MKRN3: variants seen among roughly 807,000 people sequenced by gnomAD.
MKRN3 encodes the protein makorin ring finger protein 3, also known as E3 ubiquitin-protein ligase makorin-3.
For missense variants in MKRN3, 749 were observed against 667.0 expected (o/e 1.12, Z -1.35); for synonymous variants, 301 against 250.2 (o/e 1.20, Z -1.91).
chr15:23,565,880 C>T lies in MKRN3; in HGVS notation c.98C>T (p.Pro33Leu). ...GAGGGTGTGTCTGGGCCGGACCTTC[C>T]CGTCTGTGAGCCCTCCGGGGAATCT... ...AREGVSGPDLPVCEPSGESAA... is the reference protein window; with the variant it reads ...AREGVSGPDLLVCEPSGESAA... The change falls in exon 1 of 1, where the codon CCC (proline) becomes CTC (leucine). Residue 33 changes from proline (P) to leucine (L), a missense_variant. By Grantham distance (98) the Pro-to-Leu change is moderately conservative. Coordinates refer to ENST00000314520, the MANE Select transcript of MKRN3 (RefSeq NM_005664.4). 2 of 1,613,874 alleles carry T rather than the reference C, an allele frequency of 1.2e-6. No homozygotes were observed. Among genetic ancestry groups the T allele is most frequent in the South Asian group, 1.1e-5 (1 of 91,080 alleles).
chr15:23,566,983 A>G lies in MKRN3; in HGVS notation c.1201A>G (p.Arg401Gly). 6.2e-7 allele frequency: 1 copy of G among 1,614,222 alleles called. No individual in the cohort carries two copies. The highest frequency in any genetic ancestry group is 8.5e-7 in the Non-Finnish European group (1 of 1,180,044). The change falls in exon 1 of 1, where the codon AGG becomes GGG. Residue 401 changes from arginine to glycine, a missense_variant. Physicochemically the swap from Arg to Gly is moderately radical, Grantham distance 125 (BLOSUM62 -2). Transcript: ENST00000314520. ...GGAGGCAATGAGCAACAAGGCCTGC[A>G]GGTATTTTGCGGAAGGCAGGGGTAA... Reference protein sequence around the residue: ...YKEAMSNKACRYFAEGRGNCP... With the variant: ...YKEAMSNKACGYFAEGRGNCP...
rs1289012657 is a variant in MKRN3, at chr15:23,567,617, ACCCT to A, written c.*313_*316del. ...CTGAATTTCCACACTTATTTTGAAG[ACCCT>A]CAAGAGTAAATGTGGCAGAGTGAAA... On this transcript the variant is annotated 3_prime_UTR_variant, in exon 1 of 1. Transcript: ENST00000314520. 8.7e-7 allele frequency: 1 copy of A among 1,150,776 alleles called. No homozygotes were observed. Among genetic ancestry groups the A allele is most frequent in the Non-Finnish European group, 1.1e-6 (1 of 925,382 alleles). 71.3% of individuals were successfully genotyped at this position (1,150,776 alleles called of 1,614,324 possible).
In MKRN3 at chr15:23,566,947, C is replaced by G; in HGVS notation, c.1165C>G (p.Gln389Glu). ...GGAGGAAGAGAAGCAGAAACTTATT[C>G]AGCAATACAAGGAGGCAATGAGCAA... The part of the protein sequence containing the change: ...EEEEEKQKLI[Q>E]QYKEAMSNKA... Residue 389 changes from glutamine to glutamate, a missense_variant, in exon 1 of 1, where the codon CAG (glutamine) becomes GAG (glutamate). By Grantham distance (29) the Gln-to-Glu change is conservative (BLOSUM62 2). Coordinates refer to ENST00000314520, the MANE Select transcript of MKRN3 (RefSeq NM_005664.4). The G allele has an allele frequency of 1.9e-6, 3 of 1,614,196 alleles. No individual in the cohort carries two copies. The highest frequency in any genetic ancestry group is 2.5e-6 in the Non-Finnish European group (3 of 1,180,036).
chr15:23,567,480 A>C lies in MKRN3; in HGVS notation c.*174A>C. ...ATTATGGTGATTATCTGTGTTAAAA[A>C]ATAAGTCCTTAAAGTTACTGTTTTG... On this transcript the variant is annotated 3_prime_UTR_variant, in exon 1 of 1. Coordinates refer to ENST00000314520, the MANE Select transcript of MKRN3 (RefSeq NM_005664.4). The C allele has an allele frequency of 6.9e-7, 1 of 1,439,126 alleles. No individual in the cohort carries two copies. The allele number at this position is 1,439,126 out of a possible 1,614,324, so 89.1% of individuals were successfully genotyped here. A position where few individuals can be genotyped will look rare whatever the true frequency, so the allele number is the denominator to read the frequency against.
In MKRN3 at chr15:23,567,544, G is replaced by C; in HGVS notation, c.*238G>C. ...TAATGTCAGCTTATGGCTTTTTTTTGTCATCTCTGTTGTCAACAGGATTAA... is the reference window on the plus strand; with the variant it reads ...TAATGTCAGCTTATGGCTTTTTTTTCTCATCTCTGTTGTCAACAGGATTAA... On this transcript the variant is annotated 3_prime_UTR_variant, in exon 1 of 1. Coordinates refer to ENST00000314520, the MANE Select transcript of MKRN3 (RefSeq NM_005664.4). 7.4e-7 allele frequency: 1 copy of C among 1,359,330 alleles called. No homozygotes were observed. Among genetic ancestry groups the C allele is most frequent in the South Asian group, 1.8e-5 (1 of 55,842 alleles). The allele number at this position is 1,359,330 out of a possible 1,614,324, so 84.2% of individuals were successfully genotyped here. A position where few individuals can be genotyped will look rare whatever the true frequency, so the allele number is the denominator to read the frequency against.
rs781393079 is a variant in MKRN3 at position 23,566,543 on chromosome 15, G to A, written c.761G>A (p.Arg254His). 1.1e-5 allele frequency: 18 copies of A among 1,614,060 alleles called. No homozygotes were observed. Among genetic ancestry groups the A allele is most frequent in the Admixed American group, 6.7e-5 (4 of 60,008 alleles). ...CYYASRGVCF[R>H]GESCMYLHGD... ...TATGCTTCCAGGGGAGTTTGCTTTC[G>A]TGGGGAGAGCTGTATGTACCTCCAT... Residue 254 changes from arginine to histidine, a missense_variant, in exon 1 of 1, where the codon CGT becomes CAT. Coordinates refer to ENST00000314520, the MANE Select transcript of MKRN3 (RefSeq NM_005664.4).
chr15:23,566,262 C>A lies in MKRN3; in HGVS notation c.480C>A (p.Pro160=), dbSNP rs372340447. 2 of 1,613,962 alleles carry A rather than the reference C, an allele frequency of 1.2e-6. No homozygotes were observed. Among genetic ancestry groups the A allele is most frequent in the Admixed American group, 1.7e-5 (1 of 60,028 alleles). The part of the protein sequence containing the change: ...EPPTQEVAEA[P]PAASSLSLPV... ...CGACTCAGGAAGTGGCGGAAGCCCCCCCGGCTGCATCCTCCCTTTCCTTGC... is the reference window on the plus strand; with the variant it reads ...CGACTCAGGAAGTGGCGGAAGCCCCACCGGCTGCATCCTCCCTTTCCTTGC... The change falls in exon 1 of 1, where the codon CCC becomes CCA. Residue 160 remains proline (P), a synonymous_variant. Coordinates refer to ENST00000314520, the MANE Select transcript of MKRN3 (RefSeq NM_005664.4).
At position 23,565,743 on chromosome 15, in the gene MKRN3, C is replaced by T. The variant is rs767206111; in HGVS notation, c.-40C>T. ...CCTCAAGCCCATAAAGAAAAAATAC[C>T]GGAGAGGTTCTGGCACCATTTCGGG... On this transcript the variant is annotated 5_prime_UTR_variant, in exon 1 of 1. Coordinates refer to ENST00000314520, the MANE Select transcript of MKRN3 (RefSeq NM_005664.4). 27 of 1,499,544 alleles carry T rather than the reference C, an allele frequency of 1.8e-5. No individual in the cohort carries two copies. Among genetic ancestry groups the T allele is most frequent in the Non-Finnish European group, 2.3e-5 (26 of 1,121,258 alleles). The allele number at this position is 1,499,544 out of a possible 1,614,324, so 92.9% of individuals were successfully genotyped here. A position where few individuals can be genotyped will look rare whatever the true frequency, so the allele number is the denominator to read the frequency against.
In MKRN3 at chr15:23,565,765, C is replaced by T. The variant is rs373047611; in HGVS notation, c.-18C>T. 18 of 1,563,322 alleles carry T rather than the reference C, an allele frequency of 1.2e-5. No individual in the cohort carries two copies. Among genetic ancestry groups the T allele is most frequent in the African/African-American group, 8.2e-5 (6 of 73,484 alleles). ...TACCGGAGAGGTTCTGGCACCATTT[C>T]GGGGTGCCAAAGCAGCCATGGAAGA... On this transcript the variant is annotated 5_prime_UTR_variant, in exon 1 of 1. Coordinates refer to ENST00000314520, the MANE Select transcript of MKRN3 (RefSeq NM_005664.4).
chr15:23,566,220 T>G lies in MKRN3; in HGVS notation c.438T>G (p.Ala146=). The change falls in exon 1 of 1, where the codon GCT becomes GCG. Residue 146 remains alanine, a synonymous_variant. Transcript: ENST00000314520. ...GASAGGGPST[A]AHIEPPTQEV... ...CTGCAGGTGGAGGCCCTAGCACGGC[T>G]GCGCACATCGAGCCCCCGACTCAGG... 6.2e-7 allele frequency: 1 copy of G among 1,613,660 alleles called. No individual in the cohort carries two copies. The highest frequency in any genetic ancestry group is 8.5e-7 in the Non-Finnish European group (1 of 1,180,036).
chr15:23,567,356 A>T lies in MKRN3; in HGVS notation c.*50A>T. 6.3e-7 allele frequency: 1 copy of T among 1,587,288 alleles called. No homozygotes were observed. The highest frequency in any genetic ancestry group is 8.6e-7 in the Non-Finnish European group (1 of 1,166,050). ...GTCTGCTGAGGTTCTGTCGTCTGCT[A>T]TTGCCTGTTTTCCCTGTGTTGACAC... On this transcript the variant is annotated 3_prime_UTR_variant, in exon 1 of 1. Transcript: ENST00000314520.
rs772391409 is a variant in MKRN3, at chr15:23,565,934, C to G, written c.152C>G (p.Ala51Gly). ...SAAPDSALPH[A>G]ARGWAPFPVA... is the part of the protein sequence containing the mutation. ...GCTCCAGATTCAGCCCTGCCACATG[C>G]GGCAAGGGGCTGGGCCCCCTTCCCT... The change falls in exon 1 of 1, where the codon GCG (alanine) becomes GGG (glycine). Residue 51 changes from alanine to glycine, a missense_variant. Coordinates refer to ENST00000314520, the MANE Select transcript of MKRN3 (RefSeq NM_005664.4). 21 of 1,613,928 alleles carry G rather than the reference C, an allele frequency of 1.3e-5. No homozygotes were observed. The highest frequency in any genetic ancestry group is 1.8e-5 in the Non-Finnish European group (21 of 1,179,994).
In MKRN3 at chr15:23,566,422, G is replaced by A; in HGVS notation, c.640G>A (p.Gly214Ser). Residue 214 changes from glycine (G) to serine (S), a missense_variant, in exon 1 of 1, where the codon GGC becomes AGC. Physicochemically the swap from Gly to Ser is moderately conservative, Grantham distance 56. Coordinates refer to ENST00000314520, the MANE Select transcript of MKRN3 (RefSeq NM_005664.4). Reference protein sequence around the residue: ...IEFVPGQPYRGRWVASAPEAP... With the variant: ...IEFVPGQPYRSRWVASAPEAP... ...GTTTGTTCCAGGGCAGCCCTACCGG[G>A]GCCGCTGGGTTGCATCTGCCCCCGA... 2 of 1,614,164 alleles carry A rather than the reference G, an allele frequency of 1.2e-6. No homozygotes were observed. Among genetic ancestry groups the A allele is most frequent in the Non-Finnish European group, 1.7e-6 (2 of 1,180,022 alleles).
chr15:23,567,446 C>T lies in MKRN3; in HGVS notation c.*140C>T. 1 of 1,475,722 alleles carries T rather than the reference C, an allele frequency of 6.8e-7. No individual in the cohort carries two copies. Among genetic ancestry groups the T allele is most frequent in the Non-Finnish European group, 9.0e-7 (1 of 1,111,950 alleles). The allele number at this position is 1,475,722 out of a possible 1,614,324, so 91.4% of individuals were successfully genotyped here. ...TTTCTTGTCTATTCTGCATATCTTT[C>T]CCCCTAGGATTATGGTGATTATCTG... On this transcript the variant is annotated 3_prime_UTR_variant, in exon 1 of 1. Coordinates refer to ENST00000314520, the MANE Select transcript of MKRN3 (RefSeq NM_005664.4).
Position 23,565,950 on chromosome 15 carries a change from C to T in MKRN3, c.168C>T (p.Ala56=). The change falls in exon 1 of 1, where the codon GCC becomes GCT. Residue 56 remains alanine, a synonymous_variant. Transcript: ENST00000314520. The part of the protein sequence containing the change: ...SALPHAARGW[A]PFPVAPVPAH... Reference sequence around the variant, plus strand: ...TGCCACATGCGGCAAGGGGCTGGGCCCCCTTCCCTGTAGCTCCAGTCCCTG... The same window carrying T: ...TGCCACATGCGGCAAGGGGCTGGGCTCCCTTCCCTGTAGCTCCAGTCCCTG... 6.2e-7 allele frequency: 1 copy of T among 1,613,934 alleles called. No individual in the cohort carries two copies. Among genetic ancestry groups the T allele is most frequent in the Non-Finnish European group, 8.5e-7 (1 of 1,179,990 alleles).
In MKRN3 at chr15:23,565,853, G is replaced by T. The variant is rs1889072498; in HGVS notation, c.71G>T (p.Arg24Met). 1 of 1,613,742 alleles carries T rather than the reference G, an allele frequency of 6.2e-7. No individual in the cohort carries two copies. The change falls in exon 1 of 1, where the codon AGG becomes ATG. Residue 24 changes from arginine (R) to methionine (M), a missense_variant. Arg to Met is a moderately conservative substitution (Grantham distance 91). Transcript: ENST00000314520. ...AGAQAGAEAA[R>M]EGVSGPDLPV... is the part of the protein sequence containing the mutation. ...GCCCAGGCAGGTGCTGAGGCAGCAA[G>T]GGAGGGTGTGTCTGGGCCGGACCTT...
Position 23,565,759 on chromosome 15 carries a change from C to G in MKRN3, c.-24C>G. The G allele has an allele frequency of 6.4e-7, 1 of 1,552,642 alleles. No homozygotes were observed. Among genetic ancestry groups the G allele is most frequent in the Non-Finnish European group, 8.7e-7 (1 of 1,145,750 alleles). Reference sequence around the variant, plus strand: ...AAAAAATACCGGAGAGGTTCTGGCACCATTTCGGGGTGCCAAAGCAGCCAT... The same window carrying G: ...AAAAAATACCGGAGAGGTTCTGGCAGCATTTCGGGGTGCCAAAGCAGCCAT... On this transcript the variant is annotated 5_prime_UTR_variant, in exon 1 of 1. Transcript: ENST00000314520.
chr15:23,566,343 A>T lies in MKRN3; in HGVS notation c.561A>T (p.Ala187=). 6.2e-7 allele frequency: 1 copy of T among 1,614,172 alleles called. No homozygotes were observed. The highest frequency in any genetic ancestry group is 8.5e-7 in the Non-Finnish European group (1 of 1,180,034). ...RGFFEAERDN[A]DRGAAGGAGV... ...TCTTTGAAGCCGAGAGAGACAATGC[A>T]GACCGTGGAGCTGCTGGAGGAGCAG... The change falls in exon 1 of 1, where the codon GCA becomes GCT. Residue 187 remains alanine (A), a synonymous_variant. Transcript: ENST00000314520.
Position 23,567,917 on chromosome 15 carries a change from AATAT to A in MKRN3, c.*616_*619del, listed in dbSNP as rs1002930101. ...TATATTTAAGAATTATATATATAAAAATATATATGTATAAGAGTTATGTATTTGA... is the reference window on the plus strand; with the variant it reads ...TATATTTAAGAATTATATATATAAAAATATGTATAAGAGTTATGTATTTGA... On this transcript the variant is annotated 3_prime_UTR_variant, in exon 1 of 1. Coordinates refer to ENST00000314520, the MANE Select transcript of MKRN3 (RefSeq NM_005664.4). The A allele has an allele frequency of 5.4e-6, 4 of 736,772 alleles. No individual in the cohort carries two copies. The highest frequency in any genetic ancestry group is 1.3e-4 in the East Asian group (1 of 7,564). 45.6% of individuals were successfully genotyped at this position (736,772 alleles called of 1,614,324 possible).
Sources: gnomAD v4.1 joint callset for allele counts on GRCh38, gnomAD v4.1.1 for gene constraint, MANE v1.5 for transcripts, NCBI Gene and HGNC (gene_info 2026-07-23, HGNC 2026-07-21) for gene names.